Variants in GNG12 observed in about 807,000 individuals in gnomAD.
GNG12 encodes guanine nucleotide-binding protein G(I)/G(S)/G(O) subunit gamma-12.
For missense variants in GNG12, 69 were observed against 83.8 expected, an observed-to-expected ratio of 0.82 and a Z score of 0.69; for synonymous variants, 28 against 29.7, an observed-to-expected ratio of 0.94 and a Z score of 0.19.
At chr1:67,759,480 CCT>C in intron 2 of GNG12, among the ~76,000 whole-genome samples, 1 of 152,290 alleles carries the variant, frequency 6.6e-6, no homozygotes, top group African/African-American at 2.4e-5. Context: ...TCACCCATTC[CCT>C]GTGTGACCTG....
At chr1:67,793,224 A>G (rs909642602) in intron 1 of GNG12, among the ~76,000 whole-genome samples, 5 of 152,244 alleles carry the variant, frequency 3.3e-5, no homozygotes, top group Admixed American at 1.3e-4. Flanking sequence ...CATTTGAGAA[A>G]TAAGTCAGAC....
intron 2 of GNG12, among the ~76,000 whole-genome samples, chr1:67,720,947 A>T (rs2100687974): frequency 6.6e-6 from 1 of 152,328 alleles, no homozygotes; most frequent in East Asian, 1.9e-4. Flanking sequence ...ATATATTCTT[A>T]AGACCATGGT....
chr1:67,734,915 G>A (rs907947346), intron 2 of GNG12, among the ~76,000 whole-genome samples: 2 of 152,110 alleles, frequency 1.3e-5, no homozygotes, highest in East Asian at 1.9e-4. Flanking sequence ...GTGCAATGGC[G>A]TGATCTCGGC....
intron 1 of GNG12, among the ~76,000 whole-genome samples, chr1:67,793,437 T>C (rs1022354074): frequency 6.6e-6 from 1 of 152,214 alleles, no homozygotes; most frequent in African/African-American, 2.4e-5. Flanking sequence ...TCCTATTCAA[T>C]TGTTTGGGAA....
At chr1:67,797,220 A>G (rs1276309) in intron 1 of GNG12, among the ~76,000 whole-genome samples, 111,133 of 152,036 alleles carry the variant, frequency 0.73, 40,782 homozygotes, top group Middle Eastern at 0.8. Context: ...GGATTATACC[A>G]TCATGAGTTA....
At chr1:67,758,122 C>T (rs560184467) in intron 2 of GNG12, among the ~76,000 whole-genome samples, 15 of 152,256 alleles carry the variant, frequency 9.9e-5, no homozygotes, top group African/African-American at 3.6e-4. Flanking sequence ...CAGGCACCCA[C>T]GACCACACCC....
intron 2 of GNG12, among the ~76,000 whole-genome samples, chr1:67,746,232 A>G (rs1021405176): frequency 6.6e-6 from 1 of 152,186 alleles, no homozygotes; most frequent in African/African-American, 2.4e-5. Flanking sequence ...GGGATAATTA[A>G]AGGCCAGAGC....
At chr1:67,772,265 CTGG>C (rs1258013651) in intron 2 of GNG12, among the ~76,000 whole-genome samples, 1 of 152,132 alleles carries the variant, frequency 6.6e-6, no homozygotes, top group Non-Finnish European at 1.5e-5. Context: ...CCTGTAGATC[CTGG>C]GGATTCAACA....
chr1:67,767,568 C>A (rs1181322477), intron 2 of GNG12, among the ~76,000 whole-genome samples: 1 of 152,196 alleles, frequency 6.6e-6, no homozygotes, highest in Non-Finnish European at 1.5e-5. Context: ...CCTCCTTGGG[C>A]TGCACAAAGG....
intron 2 of GNG12, among the ~76,000 whole-genome samples, chr1:67,708,029 T>G (rs115048459): frequency 0.012 from 1,851 of 152,332 alleles, 32 homozygotes; most frequent in African/African-American, 0.043. Flanking sequence ...CAAACACTTG[T>G]AGCACTTAGG....
At chr1:67,758,806 A>G (rs1646585039) in intron 2 of GNG12, among the ~76,000 whole-genome samples, 1 of 152,172 alleles carries the variant, frequency 6.6e-6, no homozygotes, top group Non-Finnish European at 1.5e-5. Context: ...TTACCAACAA[A>G]AAGTTAGGAG....
intron 1 of GNG12, among the ~76,000 whole-genome samples, chr1:67,823,017 T>G (rs1646992821): frequency 6.6e-6 from 1 of 152,194 alleles, no homozygotes; most frequent in Admixed American, 6.5e-5. Flanking sequence ...CTTCTTACAT[T>G]GTGCTTTTAC....
chr1:67,758,415 G>A (rs1411842983), intron 2 of GNG12, among the ~76,000 whole-genome samples: 2 of 152,202 alleles, frequency 1.3e-5, no homozygotes, highest in African/African-American at 2.4e-5. Flanking sequence ...TCGCCATGAC[G>A]ATGAAATACT....
intron 2 of GNG12, among the ~76,000 whole-genome samples, chr1:67,723,798 C>T (rs950007030): frequency 3.3e-5 from 5 of 152,180 alleles, no homozygotes; most frequent in Non-Finnish European, 7.3e-5. Context: ...TCTTTAACCA[C>T]ATATGATACT....
At chr1:67,746,375 C>T (rs908666172) in intron 2 of GNG12, among the ~76,000 whole-genome samples, 12 of 152,152 alleles carry the variant, frequency 7.9e-5, no homozygotes, top group Admixed American at 1.3e-4. Context: ...CCCTCTAGCT[C>T]GATGAGCACT....
Position 67,821,725 on chromosome 1 carries a change from A to C in GNG12, c.-77+11619T>G, listed in dbSNP as rs75841004. Among the ~76,000 whole-genome samples, 276 of 151,984 alleles carry C rather than the reference A, an allele frequency of 1.8e-3. 6 individuals are homozygous for C. In the East Asian group the frequency reaches 0.042, roughly 23 times the overall value. ...AATTTGTTATAGCGGCCATAGAAAA[A>C]CTAACACACTCTTACAGCTGATGTG... On this transcript the variant is annotated intron_variant, in intron 1 of 3. Transcript: ENST00000370982.
Position 67,705,457 on chromosome 1 carries a change from G to A in GNG12, c.213C>T (p.Ile71=). ...GAGCTGTTTCTCTATTCCACTATAA[G>A]ATGATGCAAGTTTTTTTATCCTTGA... is the stretch of plus-strand genomic sequence containing the variant. ...NPFKDKKTCI[I]L is the part of the protein sequence containing the mutation. The change falls in exon 4 of 4, where the codon ATC becomes ATT. Residue 71 remains isoleucine (I), a synonymous_variant. Coordinates refer to ENST00000370982, the MANE Select transcript of GNG12 (RefSeq NM_018841.6). 1 of 1,613,974 alleles carries A rather than the reference G, an allele frequency of 6.2e-7. No homozygotes were observed. The highest frequency in any genetic ancestry group is 8.5e-7 in the Non-Finnish European group (1 of 1,179,928).
At chr1:67,787,931 C>T (rs182099392) in intron 1 of GNG12, among the ~76,000 whole-genome samples, 54 of 152,316 alleles carry the variant, frequency 3.5e-4, no homozygotes, top group Non-Finnish European at 7.1e-4. Flanking sequence ...CAGGAATCCC[C>T]TCAGTGCCAT....
intron 2 of GNG12, among the ~76,000 whole-genome samples, chr1:67,732,593 GC>G (rs1646426397): frequency 6.6e-6 from 1 of 152,214 alleles, no homozygotes; most frequent in Non-Finnish European, 1.5e-5. Flanking sequence ...GCTCACTACA[GC>G]TAATAATGTT....
Sources: gnomAD v4.1 joint callset for allele counts (sites outside exome capture counted in the v4.1 genomes callset) on GRCh38, gnomAD v4.1.1 for gene constraint, MANE v1.5 for transcripts, NCBI Gene and HGNC (gene_info 2026-07-23, HGNC 2026-07-21) for gene names.